The following SEPTIN8 variants were observed in gnomAD, a reference collection of about 807,000 sequenced individuals.
SEPTIN8 encodes the protein septin-8.
SEPTIN8 carries 22 observed loss-of-function variants against 53.1 expected under a neutral mutation model. That is an observed-to-expected ratio of 0.41 (90% CI 0.30 to 0.59). The LOEUF (loss-of-function observed/expected upper bound fraction) is 0.59. Ranked by LOEUF, SEPTIN8 falls within the 20% of genes least tolerant of loss-of-function variation. The pLI is 0.24. For missense variants in SEPTIN8, 536 were observed against 638.7 expected, an observed-to-expected ratio of 0.84 and a Z score of 1.73; for synonymous variants, 228 against 248.4, an observed-to-expected ratio of 0.92 and a Z score of 0.77.
rs758435889 is a variant in SEPTIN8, at chr5:132,758,810, CTG to C, written c.1286+1990_1286+1991del. ...TAAAGTCCACTCTTGACATGTAAGT[CTG>C]TGCGTGCGTTAACTGAAAAATAAAA... On this transcript the variant is annotated intron_variant, in intron 9 of 9. Transcript: ENST00000378719. 1.6e-5 allele frequency: 26 copies of C among 1,614,072 alleles called. 1 individual carries two copies. In the East Asian group the frequency reaches 2.5e-4, roughly 15 times the overall value.
Position 132,760,980 on chromosome 5 carries a change from A to C in SEPTIN8, c.1108T>G (p.Phe370Val). Residue 370 changes from phenylalanine (F) to valine (V), a missense_variant, in exon 9 of 10, where the codon TTT (phenylalanine) becomes GTT (valine). Physicochemically the swap from Phe to Val is conservative, Grantham distance 50. Transcript: ENST00000378719. The surrounding 1 kb of genome is among the most constrained non-coding windows in gnomAD (Gnocchi z 5.2). ...KEKERELHEK[F>V]EHLKRVHQEE... ...TGGTGGACCCGCTTCAGGTGCTCAAACTTCTCATGGAGCTGGCATCAGAAA... is the reference window on the plus strand; with the variant it reads ...TGGTGGACCCGCTTCAGGTGCTCAACCTTCTCATGGAGCTGGCATCAGAAA... 6.3e-7 allele frequency: 1 copy of C among 1,580,620 alleles called. No individual in the cohort carries two copies. The highest frequency in any genetic ancestry group is 1.4e-5 in the African/African-American group (1 of 74,016).
At chr5:132,766,903 T>C (rs1171923212) in intron 1 of SEPTIN8, among the ~76,000 whole-genome samples, 2 of 152,016 alleles carry the variant, frequency 1.3e-5, no homozygotes, top group African/African-American at 4.8e-5. Context: ...CCAGAGAACC[T>C]TGGCACTCAA....
At chr5:132,758,276 G>C in intron 9 of SEPTIN8, 1 of 1,330,050 alleles carries the variant, frequency 7.5e-7, no homozygotes, top group Non-Finnish European at 9.6e-7. Context: ...TAATGGGAGA[G>C]GATATTATTT....
At position 132,761,495 on chromosome 5, in the gene SEPTIN8, C is replaced by G; in HGVS notation, c.925G>C (p.Gly309Arg). 6.2e-7 allele frequency: 1 copy of G among 1,613,374 alleles called. No individual in the cohort carries two copies. Among genetic ancestry groups the G allele is most frequent in the Non-Finnish European group, 8.5e-7 (1 of 1,179,952 alleles). ...LYRRCKLEEM[G>R]FQDSDGDSQP... ...CTGTCACCATCGCTGTCCTGAAAGC[C>G]CATCTCCTCCAACTTGCAGCGCCGG... The change falls in exon 7 of 10, where the codon GGC becomes CGC. Residue 309 changes from glycine to arginine, a missense_variant. Transcript: ENST00000378719. The surrounding 1 kb of genome is among the most constrained non-coding windows in gnomAD (Gnocchi z 5.8).
chr5:132,756,809 A>G (rs1755385735), intron 9 of SEPTIN8: 2 of 985,462 alleles, frequency 2.0e-6, no homozygotes. Context: ...GCAGGCCACA[A>G]TGGACGAATG....
At chr5:132,771,454 C>G (rs1034984056) in intron 1 of SEPTIN8, among the ~76,000 whole-genome samples, 1 of 152,180 alleles carries the variant, frequency 6.6e-6, no homozygotes, top group Non-Finnish European at 1.5e-5. Context: ...TCTCCAGTGC[C>G]TTGGACTTTG....
At chr5:132,762,690 G>C in intron 4 of SEPTIN8, 45 bp from the exon 5 acceptor site, 1 of 1,603,548 alleles carries the variant, frequency 6.2e-7, no homozygotes, top group Non-Finnish European at 8.5e-7. Context: ...TGGCTCTTTT[G>C]AGCGGTGGTT....
intron 9 of SEPTIN8, chr5:132,753,970 T>A (rs954924338): frequency 6.7e-6 from 1 of 150,232 alleles, no homozygotes; most frequent in African/African-American, 2.5e-5. Context: ...TTTTTTTTTT[T>A]TTTTTTTTTT....
chr5:132,761,915 A>G lies in SEPTIN8; in HGVS notation c.697-19T>C, dbSNP rs1220640188. ...GATGTGCCTGGAAAGGGGCCCGGGTATGCGTAAGCCCTGAGCTGACACAGA... is the reference window on the plus strand; with the variant it reads ...GATGTGCCTGGAAAGGGGCCCGGGTGTGCGTAAGCCCTGAGCTGACACAGA... On this transcript the variant is annotated intron_variant, in intron 5 of 9. Transcript: ENST00000378719. This position sits in a 1 kb window ranked among gnomAD's most constrained non-coding sequence, Gnocchi z 5.8. 2 of 1,562,692 alleles carry G rather than the reference A, an allele frequency of 1.3e-6. No homozygotes were observed. Among genetic ancestry groups the G allele is most frequent in the South Asian group, 1.2e-5 (1 of 84,572 alleles).
chr5:132,760,838 G>C lies in SEPTIN8; in HGVS notation c.1250C>G (p.Ser417Trp). Residue 417 changes from serine (S) to tryptophan (W), a missense_variant, in exon 9 of 10, where the codon TCG (serine) becomes TGG (tryptophan). Transcript: ENST00000378719. The surrounding 1 kb of genome is among the most constrained non-coding windows in gnomAD (Gnocchi z 5.2). ...CTTGTCCTTCCTCAGGGGCTGCTGC[G>C]AGGTGGCGTGCAAGGCCTGCGACTG... Reference protein sequence around the residue: ...ALQSQALHATSQQPLRKDKDK... With the variant: ...ALQSQALHATWQQPLRKDKDK... 6.2e-7 allele frequency: 1 copy of C among 1,613,924 alleles called. No homozygotes were observed. The highest frequency in any genetic ancestry group is 8.5e-7 in the Non-Finnish European group (1 of 1,180,016).
Position 132,761,071 on chromosome 5 carries a change from T to A in SEPTIN8, c.1095+62A>T. The A allele has an allele frequency of 6.2e-7, 1 of 1,609,734 alleles. No homozygotes were observed. The highest frequency in any genetic ancestry group is 2.2e-5 in the East Asian group (1 of 44,874). On this transcript the variant is annotated intron_variant, in intron 8 of 9. Coordinates refer to ENST00000378719, the MANE Select transcript of SEPTIN8 (RefSeq NM_001098811.2). The surrounding 1 kb of genome is among the most constrained non-coding windows in gnomAD (Gnocchi z 5.8). Reference sequence around the variant, plus strand: ...TGGGCCAGGAAGGCACCCCCACCTCTACCCTCAGCCAGGCCTTCCCTCCCT... The same window carrying A: ...TGGGCCAGGAAGGCACCCCCACCTCAACCCTCAGCCAGGCCTTCCCTCCCT...
At chr5:132,770,016 TATATATACACAC>T (rs1757058058) in intron 1 of SEPTIN8, among the ~76,000 whole-genome samples, 4 of 59,598 alleles carry the variant, frequency 6.7e-5, no homozygotes, top group African/African-American at 3.7e-4. Flanking sequence ...TATATATATA[TATATATACACAC>T]ACATATATAT....
At position 132,776,825 on chromosome 5, in the gene SEPTIN8, C is replaced by T. The variant is rs1757844463; in HGVS notation, c.30+283G>A. ...GGGCGCCACTCTATCTTCGCACCTG[C>T]CCGGAGCCAGGCGGGTCTTTGCTCC... On this transcript the variant is annotated intron_variant, in intron 1 of 9. Transcript: ENST00000378719. This position sits in a 1 kb window ranked among gnomAD's most constrained non-coding sequence, Gnocchi z 4.4. Among the ~76,000 whole-genome samples the T allele has an allele frequency of 6.6e-6, 1 of 152,184 alleles. No individual in the cohort carries two copies. Among genetic ancestry groups the T allele is most frequent in the Non-Finnish European group, 1.5e-5 (1 of 68,018 alleles).
chr5:132,769,878 G>C (rs79051623), intron 1 of SEPTIN8, among the ~76,000 whole-genome samples: 1,850 of 149,940 alleles, frequency 0.012, 38 homozygotes, highest in East Asian at 0.094. Context: ...CTCAATCCAT[G>C]GTGGCCACAG....
chr5:132,763,583 G>A, intron 4 of SEPTIN8, 123 bp downstream of exon 4: 1 of 851,804 alleles, frequency 1.2e-6, no homozygotes, highest in Non-Finnish European at 1.9e-6. Flanking sequence ...AGCCAATGGG[G>A]GGCCACCCAC....
Position 132,771,854 on chromosome 5 carries a change from G to A in SEPTIN8, c.30+5254C>T, listed in dbSNP as rs183220775. Among the ~76,000 whole-genome samples, 83 of 145,488 alleles carry A rather than the reference G, an allele frequency of 5.7e-4. 1 individual carries two copies. Among genetic ancestry groups the A allele is most frequent in the Middle Eastern group, 6.9e-3 (2 of 288 alleles). On this transcript the variant is annotated intron_variant, in intron 1 of 9. Transcript: ENST00000378719. ...CCTCTAAGCCCAGGTCAGAGGTTAC[G>A]GGAAATAACCAAGGAGACATACGTG...
Position 132,751,065 on chromosome 5 carries a change from C to A in SEPTIN8, c.*951G>T. 1 of 1,572,272 alleles carries A rather than the reference C, an allele frequency of 6.4e-7. No individual in the cohort carries two copies. Among genetic ancestry groups the A allele is most frequent in the Non-Finnish European group, 8.7e-7 (1 of 1,155,282 alleles). Reference sequence around the variant, plus strand: ...GTGCCTTTGGAACAGCTGTTTACAACATGGGATGGCAAAGCACAGGCGTGC... The same window carrying A: ...GTGCCTTTGGAACAGCTGTTTACAAAATGGGATGGCAAAGCACAGGCGTGC... On this transcript the variant is annotated 3_prime_UTR_variant, in exon 10 of 10. Coordinates refer to ENST00000378719, the MANE Select transcript of SEPTIN8 (RefSeq NM_001098811.2).
rs935234790 is a variant in SEPTIN8 at position 132,757,978 on chromosome 5, G to C, written c.1286+2824C>G. 1.5e-5 allele frequency: 15 copies of C among 986,518 alleles called. No homozygotes were observed. The Admixed American group carries it at 8.5e-4, about 56-fold the overall frequency. 61.1% of individuals were successfully genotyped at this position (986,518 alleles called of 1,614,324 possible). ...GATTTGCTTGGGAGTCTTAATTGGA[G>C]TCAAACACTTAACACACACACATGG... is the stretch of plus-strand genomic sequence containing the variant. On this transcript the variant is annotated intron_variant, in intron 9 of 9. Transcript: ENST00000378719.
At chr5:132,762,801 G>C (rs1397498511) in intron 4 of SEPTIN8, among the ~76,000 whole-genome samples, 156 bp from the exon 5 acceptor site, 1 of 152,162 alleles carries the variant, frequency 6.6e-6, no homozygotes, top group Non-Finnish European at 1.5e-5. Flanking sequence ...GGCAGCCATA[G>C]TGCAAACCCA....
Sources: gnomAD v4.1 joint callset for allele counts (sites outside exome capture counted in the v4.1 genomes callset) on GRCh38, gnomAD v4.1.1 for gene constraint, Gnocchi (gnomAD v3.1) non-coding constraint, MANE v1.5 for transcripts, NCBI Gene and HGNC (gene_info 2026-07-23, HGNC 2026-07-21) for gene names.